The following MBOAT1 variants were observed in gnomAD, a reference collection of about 807,000 sequenced individuals.
The protein encoded by MBOAT1 is membrane bound glycerophospholipid O-acyltransferase 1, also known as membrane-bound glycerophospholipid O-acyltransferase 1.
A neutral mutation model predicts 64.4 loss-of-function variants in MBOAT1; 67 were observed. That is an observed-to-expected ratio of 1.04 (90% confidence interval 0.85 to 1.27). The LOEUF (loss-of-function observed/expected upper bound fraction) is 1.27, where lower values mean the gene tolerates loss of function less well. Among genes scored for constraint, MBOAT1 ranks in the 50% most tolerant of loss-of-function variants. The probability of loss-of-function intolerance (pLI) is 0.00; values close to 1 mark genes in which losing one functional copy is unlikely to be tolerated. For synonymous variants in MBOAT1, 229 were observed against 218.9 expected (o/e 1.05, Z -0.41); for missense variants, 563 against 604.6 (o/e 0.93, Z 0.72).
Position 20,137,417 on chromosome 6 carries a change from C to G in MBOAT1, c.420-6218G>C, listed in dbSNP as rs367853333. Among the ~76,000 whole-genome samples, 11 of 152,276 alleles carry G rather than the reference C, an allele frequency of 7.2e-5. No individual in the cohort carries two copies. In the South Asian group the frequency reaches 1.2e-3, roughly 17 times the overall value. On this transcript the variant is annotated intron_variant, in intron 4 of 12. Transcript: ENST00000324607. Reference sequence around the variant, plus strand: ...GAAGAATCAGTTTGCTCTCACAAACCTAAAAGGAACTAAGTACCAGCTGTA... The same window carrying G: ...GAAGAATCAGTTTGCTCTCACAAACGTAAAAGGAACTAAGTACCAGCTGTA...
At position 20,154,297 on chromosome 6, in the gene MBOAT1, C is replaced by T. The variant is rs180748922; in HGVS notation, c.100-1528G>A. Among the ~76,000 whole-genome samples the T allele has an allele frequency of 1.6e-3, 237 of 152,214 alleles. 2 individuals are homozygous for T. Among genetic ancestry groups the T allele is most frequent in the Non-Finnish European group, 2.4e-4 (16 of 68,014 alleles). On this transcript the variant is annotated intron_variant, in intron 1 of 12. Transcript: ENST00000324607. ...CTGTAATCCCAGCACTTTGGGAAGC[C>T]GAGGCGGGCAGGTCACCTGAGGTCA...
chr6:20,172,317 T>C (rs985320930), intron 1 of MBOAT1, among the ~76,000 whole-genome samples: 1 of 152,050 alleles, frequency 6.6e-6, no homozygotes, highest in Non-Finnish European at 1.5e-5. Flanking sequence ...TATTCCCAGC[T>C]ACCCAGGAGG....
In MBOAT1 at chr6:20,124,511, C is replaced by G. The variant is rs761221092; in HGVS notation, c.804G>C (p.Val268=). Reference sequence around the variant, plus strand: ...TTGCTTTATGGACAAACCAGTCATCCACAAGGCAGGTGACAGGAAAGGTCT... The same window carrying G: ...TTGCTTTATGGACAAACCAGTCATCGACAAGGCAGGTGACAGGAAAGGTCT... ...LTKTFPVTCL[V]DDWFVHKASF... is the part of the protein sequence containing the mutation. The change falls in exon 8 of 13, where the codon GTG becomes GTC. Residue 268 remains valine, a synonymous_variant. Transcript: ENST00000324607. The G allele has an allele frequency of 1.9e-6, 3 of 1,614,060 alleles. No individual in the cohort carries two copies. Among genetic ancestry groups the G allele is most frequent in the Non-Finnish European group, 2.5e-6 (3 of 1,180,046 alleles).
In MBOAT1 at chr6:20,161,106, G is replaced by T. The variant is rs1488412525; in HGVS notation, c.100-8337C>A. 2.0e-5 allele frequency among the ~76,000 whole-genome samples: 3 copies of T among 152,072 alleles called. No individual in the cohort carries two copies. In the South Asian group the frequency reaches 6.2e-4, roughly 31 times the overall value. ...TCTGTATTTACAGTCACTCCTCATC[G>T]CTTGCATTACCACATGAACTCCACC... is the stretch of plus-strand genomic sequence containing the variant. On this transcript the variant is annotated intron_variant, in intron 1 of 12. Coordinates refer to ENST00000324607, the MANE Select transcript of MBOAT1 (RefSeq NM_001080480.3).
chr6:20,184,049 A>C (rs1013469704), intron 1 of MBOAT1, among the ~76,000 whole-genome samples: 5 of 152,194 alleles, frequency 3.3e-5, no homozygotes, highest in Non-Finnish European at 7.3e-5. Context: ...CTCACATAAC[A>C]CGTGGGAATT....
At chr6:20,148,736 A>G (rs1761401450) in intron 3 of MBOAT1, among the ~76,000 whole-genome samples, 1 of 152,204 alleles carries the variant, frequency 6.6e-6, no homozygotes, top group Admixed American at 6.5e-5. Context: ...AAAAAAATTT[A>G]CATTGAGTTC....
intron 1 of MBOAT1, among the ~76,000 whole-genome samples, chr6:20,156,923 G>T (rs114898743): frequency 0.017 from 2,611 of 152,114 alleles, 36 homozygotes; most frequent in Non-Finnish European, 0.027. Context: ...ACTACCATCG[G>T]GGTTAACAGG....
chr6:20,160,608 T>C (rs1401159065), intron 1 of MBOAT1, among the ~76,000 whole-genome samples: 6 of 152,236 alleles, frequency 3.9e-5, no homozygotes, highest in Non-Finnish European at 8.8e-5. Flanking sequence ...TCGGCAACAC[T>C]GCCTTACACG....
intron 12 of MBOAT1, among the ~76,000 whole-genome samples, chr6:20,108,693 T>C (rs1364497902): frequency 6.6e-6 from 1 of 152,254 alleles, no homozygotes; most frequent in Non-Finnish European, 1.5e-5. Context: ...AAAGTTAACC[T>C]AGAAAAGCCT....
chr6:20,109,884 C>A, intron 11 of MBOAT1, 135 bp from the exon 12 acceptor site: 19 of 429,092 alleles, frequency 4.4e-5, no homozygotes, highest in Non-Finnish European at 6.9e-5. Flanking sequence ...GTATTTTCGA[C>A]TACAAATACC....
At chr6:20,156,770 T>G (rs1213812136) in intron 1 of MBOAT1, among the ~76,000 whole-genome samples, 1 of 152,216 alleles carries the variant, frequency 6.6e-6, no homozygotes, top group East Asian at 1.9e-4. Context: ...TGCTTGTGAT[T>G]TTTGCACATT....
At chr6:20,135,941 T>C (rs1347395922) in intron 4 of MBOAT1, among the ~76,000 whole-genome samples, 1 of 152,176 alleles carries the variant, frequency 6.6e-6, no homozygotes, top group Non-Finnish European at 1.5e-5. Flanking sequence ...ATGTGACTTG[T>C]ACAACCTGCA....
intron 4 of MBOAT1, among the ~76,000 whole-genome samples, chr6:20,135,789 T>C (rs956119593): frequency 6.6e-6 from 1 of 152,184 alleles, no homozygotes; most frequent in Non-Finnish European, 1.5e-5. Context: ...CTACTTGTGG[T>C]ACTTGGACAG....
At position 20,102,337 on chromosome 6, in the gene MBOAT1, C is replaced by G. The variant is rs139590851; in HGVS notation, c.1437G>C (p.Thr479=). 1.9e-6 allele frequency: 3 copies of G among 1,613,650 alleles called. No individual in the cohort carries two copies. Among genetic ancestry groups the G allele is most frequent in the Admixed American group, 1.7e-5 (1 of 59,972 alleles). The change falls in exon 13 of 13, where the codon ACG becomes ACC. Residue 479 remains threonine (T), a synonymous_variant. Transcript: ENST00000324607. ...AGTTCAGAGTCTGAGGCCGCCTTTG[C>G]GTATGAGCTTGTGGTTTCATTGGCA... ...LFLPMKPQAH[T]QRRPQTLNSI... is the part of the protein sequence containing the mutation.
At position 20,100,029 on chromosome 6, in the gene MBOAT1, ATAAGGAGTAATCAAT is replaced by A. The variant is rs1426466261; in HGVS notation, c.*2242_*2256del. Among the ~76,000 whole-genome samples the A allele has an allele frequency of 6.6e-6, 1 of 152,166 alleles. No individual in the cohort carries two copies. The highest frequency in any genetic ancestry group is 1.5e-5 in the Non-Finnish European group (1 of 68,030). On this transcript the variant is annotated 3_prime_UTR_variant, in exon 13 of 13. Transcript: ENST00000324607. ...TAGAGGTTTGACTTCTCCTCATCCC[ATAAGGAGTAATCAAT>A]TCTGGGCAGTCACTAGTGGGACCAA...
chr6:20,141,288 G>C (rs1761163046), intron 4 of MBOAT1, among the ~76,000 whole-genome samples: 1 of 151,874 alleles, frequency 6.6e-6, no homozygotes, highest in Non-Finnish European at 1.5e-5. Flanking sequence ...ATAAAGGCTT[G>C]GCAGGTCCAG....
intron 4 of MBOAT1, among the ~76,000 whole-genome samples, chr6:20,139,481 G>A (rs997587345): frequency 4.6e-5 from 7 of 151,620 alleles, no homozygotes; most frequent in African/African-American, 1.7e-4. Context: ...TGAGGTGCTG[G>A]GTGGACATGA....
At position 20,212,266 on chromosome 6, in the gene MBOAT1, C is replaced by A; in HGVS notation, c.-32G>T. ...TCTTCGGGAGGTGGCTGCCCCTGTC[C>A]CAGCCCGCAACACCCCCTGCTCGGC... is the stretch of plus-strand genomic sequence containing the variant. On this transcript the variant is annotated 5_prime_UTR_variant, in exon 1 of 13. Coordinates refer to ENST00000324607, the MANE Select transcript of MBOAT1 (RefSeq NM_001080480.3). The A allele has an allele frequency of 6.3e-7, 1 of 1,591,630 alleles. No individual in the cohort carries two copies. Among genetic ancestry groups the A allele is most frequent in the East Asian group, 2.3e-5 (1 of 44,342 alleles).
intron 1 of MBOAT1, among the ~76,000 whole-genome samples, chr6:20,190,866 G>A (rs1216829987): frequency 6.6e-6 from 1 of 151,908 alleles, no homozygotes; most frequent in East Asian, 1.9e-4. Context: ...CCACCACCAG[G>A]GACAGGGGAC....
Sources: allele counts gnomAD v4.1 joint callset (sites outside exome capture counted in the v4.1 genomes callset), GRCh38; gene constraint gnomAD v4.1.1; transcripts MANE v1.5; gene names NCBI Gene and HGNC (gene_info 2026-07-23, HGNC 2026-07-21).